The following PTPRM variants were observed in gnomAD, a reference collection of about 807,000 sequenced individuals.
PTPRM encodes receptor-type tyrosine-protein phosphatase mu.
Under a neutral mutation model 186.7 loss-of-function variants are expected in PTPRM, and 47 were observed. The ratio of observed to expected loss-of-function variants is 0.25; its 90% CI spans 0.20 to 0.32. The LOEUF is 0.32. Ranked by LOEUF, PTPRM falls within the 10% of genes least tolerant of loss-of-function variation. The pLI is 1.00. For synonymous variants in PTPRM, 668 were observed against 674.9 expected, an observed-to-expected ratio of 0.99 and a Z score of 0.16; for missense variants, 1,494 against 1,865.0, an observed-to-expected ratio of 0.80 and a Z score of 3.66.
In PTPRM at chr18:8,384,548, GT is replaced by G; in HGVS notation, c.3919-9del. On this transcript the variant is annotated splice_polypyrimidine_tract_variant and intron_variant, in intron 29 of 32. Coordinates refer to ENST00000580170, the MANE Select transcript of PTPRM (RefSeq NM_001105244.2). ...CTTATAACTAACCTTGTGTTTATATGTTTTGAATTCAGTTGTGTCCACAGTA... is the reference window on the plus strand; with the variant it reads ...CTTATAACTAACCTTGTGTTTATATGTTTGAATTCAGTTGTGTCCACAGTA... The G allele has an allele frequency of 1.2e-6, 2 of 1,613,954 alleles. No homozygotes were observed. The highest frequency in any genetic ancestry group is 2.2e-5 in the South Asian group (2 of 91,058).
rs1001188175 is a variant in PTPRM, at chr18:8,379,162, C to T, written c.3613-5C>T. Reference sequence around the variant, plus strand: ...GTCCTCATGTTCCTTTCTTTTCTCACGCAGACGCTAAACATGGTGACACCA... The same window carrying T: ...GTCCTCATGTTCCTTTCTTTTCTCATGCAGACGCTAAACATGGTGACACCA... On this transcript the variant is annotated splice_polypyrimidine_tract_variant and splice_region_variant and intron_variant, in intron 27 of 32. Transcript: ENST00000580170. 22 of 1,583,246 alleles carry T rather than the reference C, an allele frequency of 1.4e-5. No individual in the cohort carries two copies. The East Asian group carries it at 1.8e-4, about 13-fold the overall frequency.
chr18:7,693,297 G>A (rs1029200651), intron 1 of PTPRM, among the ~76,000 whole-genome samples: 5 of 152,158 alleles, frequency 3.3e-5, no homozygotes, highest in African/African-American at 1.2e-4. Context: ...CCTTATGAAG[G>A]TAAGAGCTGT....
rs140877872 is a variant in PTPRM at position 7,777,371 on chromosome 18, T to C, written c.196+3100T>C. Reference sequence around the variant, plus strand: ...CAAAAAGAATAATAAAATTTTGTGATGTGAAATTCAAAATGCAGCGTTTAC... The same window carrying C: ...CAAAAAGAATAATAAAATTTTGTGACGTGAAATTCAAAATGCAGCGTTTAC... On this transcript the variant is annotated intron_variant, in intron 2 of 32. Transcript: ENST00000580170. 2.9e-3 allele frequency among the ~76,000 whole-genome samples: 438 copies of C among 152,342 alleles called. 5 individuals are homozygous for C. Among genetic ancestry groups the C allele is most frequent in the African/African-American group, 0.01 (430 of 41,584 alleles).
chr18:8,007,669 G>C (rs552693484), intron 7 of PTPRM, among the ~76,000 whole-genome samples: 1 of 152,288 alleles, frequency 6.6e-6, no homozygotes, highest in Admixed American at 6.5e-5. Flanking sequence ...CTGAGACACC[G>C]TGGTTGAGAC....
chr18:8,372,593 C>G (rs1160161808), intron 24 of PTPRM, among the ~76,000 whole-genome samples: 1 of 151,398 alleles, frequency 6.6e-6, no homozygotes, highest in Admixed American at 6.6e-5. Context: ...TTTTTCTTAG[C>G]CTGTCTTTTT....
intron 14 of PTPRM, among the ~76,000 whole-genome samples, chr18:8,161,506 T>TC (rs2146344287): frequency 6.6e-6 from 1 of 152,148 alleles, no homozygotes; most frequent in South Asian, 2.1e-4. Context: ...TCTTCCCATC[T>TC]CCCCTGAGGG....
chr18:8,272,490 T>G (rs2094784916), intron 19 of PTPRM, among the ~76,000 whole-genome samples: 1 of 152,036 alleles, frequency 6.6e-6, no homozygotes, highest in African/African-American at 2.4e-5. Context: ...TCCAGTAAGT[T>G]TGACAGTATT....
At chr18:8,328,952 G>T (rs2095395152) in intron 22 of PTPRM, among the ~76,000 whole-genome samples, 1 of 152,194 alleles carries the variant, frequency 6.6e-6, no homozygotes, top group Non-Finnish European at 1.5e-5. Flanking sequence ...TTTAAAGGAA[G>T]AGTTAAAGTT....
chr18:7,680,268 C>A (rs1342673313), intron 1 of PTPRM, among the ~76,000 whole-genome samples: 2 of 152,088 alleles, frequency 1.3e-5, no homozygotes. Flanking sequence ...GAGGGGCAGG[C>A]AAAGGAGCAG....
chr18:8,339,984 A>G (rs1419135584), intron 22 of PTPRM, among the ~76,000 whole-genome samples: 1 of 150,796 alleles, frequency 6.6e-6, no homozygotes, highest in Non-Finnish European at 1.5e-5. Flanking sequence ...TCTACCCTCA[A>G]AAAAAAAACC....
intron 13 of PTPRM, among the ~76,000 whole-genome samples, chr18:8,122,798 C>G (rs545732200): frequency 3.9e-4 from 60 of 152,240 alleles, no homozygotes; most frequent in African/African-American, 1.3e-3. Context: ...ACGAAGCCCC[C>G]CAAAGGTGTT....
At chr18:7,834,491 T>TACACACACACACACACAGACACACAC (rs756488501) in intron 2 of PTPRM, among the ~76,000 whole-genome samples, 1 of 84,610 alleles carries the variant, frequency 1.2e-5, no homozygotes. Flanking sequence ...TATACAAGTA[T>TACACACACACACACACAGACACACAC]ACACACACAC....
chr18:7,597,669 A>G (rs1403742094), intron 1 of PTPRM, among the ~76,000 whole-genome samples: 1 of 152,198 alleles, frequency 6.6e-6, no homozygotes, highest in African/African-American at 2.4e-5. Flanking sequence ...GTAGGCAGGA[A>G]TCATGAAGTG....
intron 1 of PTPRM, among the ~76,000 whole-genome samples, chr18:7,622,696 G>T (rs2037968796): frequency 6.6e-6 from 1 of 152,158 alleles, no homozygotes; most frequent in Admixed American, 6.5e-5. Context: ...AGTGAGATGG[G>T]CATAGGAGAA....
intron 1 of PTPRM, among the ~76,000 whole-genome samples, chr18:7,680,029 C>G: frequency 6.6e-6 from 1 of 151,952 alleles, no homozygotes; most frequent in East Asian, 1.9e-4. Flanking sequence ...CCACACCTGG[C>G]TAATGTTTTT....
chr18:7,580,841 T>C (rs1325651057), intron 1 of PTPRM, among the ~76,000 whole-genome samples: 1 of 152,162 alleles, frequency 6.6e-6, no homozygotes, highest in Non-Finnish European at 1.5e-5. Flanking sequence ...TTTGATGCCA[T>C]CCTCCTGTAT....
chr18:7,974,245 C>T (rs1431762263), intron 7 of PTPRM, among the ~76,000 whole-genome samples: 1 of 152,164 alleles, frequency 6.6e-6, no homozygotes, highest in Non-Finnish European at 1.5e-5. Flanking sequence ...TATTTTTGAG[C>T]ATCTGCTGAG....
intron 8 of PTPRM, among the ~76,000 whole-genome samples, chr18:8,073,030 A>G (rs997274740): frequency 6.6e-4 from 100 of 152,232 alleles, no homozygotes; most frequent in Admixed American, 1.1e-3. Flanking sequence ...GTACATTCTA[A>G]TAAGTCCATC....
At chr18:8,199,067 C>T (rs573700567) in intron 14 of PTPRM, among the ~76,000 whole-genome samples, 269 of 152,188 alleles carry the variant, frequency 1.8e-3, no homozygotes, top group African/African-American at 6.2e-3. Flanking sequence ...TCGGCGGGCT[C>T]ATCTTCTCTC....
Sources: allele counts gnomAD v4.1 joint callset (sites outside exome capture counted in the v4.1 genomes callset), GRCh38; gene constraint gnomAD v4.1.1; transcripts MANE v1.5; gene names NCBI Gene and HGNC (gene_info 2026-07-23, HGNC 2026-07-21).